The following VEZT variants were observed in gnomAD, a reference collection of about 807,000 sequenced individuals.
VEZT encodes vezatin.
Under a neutral mutation model 79.9 loss-of-function variants are expected in VEZT, and 39 were observed. That is an observed-to-expected ratio of 0.49 (90% CI 0.38 to 0.64). The LOEUF is 0.64. Among genes scored for constraint, VEZT ranks in the 30% least tolerant of loss-of-function variants. The probability of loss-of-function intolerance (pLI) is 0.00; values close to 1 mark genes in which losing one functional copy is unlikely to be tolerated. For synonymous variants in VEZT, 325 were observed against 327.6 expected, an observed-to-expected ratio of 0.99 and a Z score of 0.09; for missense variants, 837 against 893.1, an observed-to-expected ratio of 0.94 and a Z score of 0.80.
At chr12:95,286,665 A>G (rs1439580920) in intron 8 of VEZT, 3 of 397,354 alleles carry the variant, frequency 7.5e-6, no homozygotes, top group Non-Finnish European at 1.5e-5. Context: ...TCAGGTTCCA[A>G]AGTATTGTCA....
chr12:95,247,804 T>C (rs1182765237), intron 1 of VEZT, among the ~76,000 whole-genome samples: 1 of 152,188 alleles, frequency 6.6e-6, no homozygotes, highest in Admixed American at 6.5e-5. Flanking sequence ...AATGTAAGCA[T>C]AATGAATAGA....
At chr12:95,264,968 C>G (rs1214979722) in intron 4 of VEZT, among the ~76,000 whole-genome samples, 1 of 147,750 alleles carries the variant, frequency 6.8e-6, no homozygotes, top group African/African-American at 2.5e-5. Flanking sequence ...CTCAAGTGAT[C>G]CCTCCGCCTC....
intron 3 of VEZT, among the ~76,000 whole-genome samples, chr12:95,257,644 T>C (rs1448349449): frequency 6.6e-6 from 1 of 152,192 alleles, no homozygotes; most frequent in Non-Finnish European, 1.5e-5. Context: ...TTTGTTTTTT[T>C]CTACTCTCTG....
chr12:95,257,008 C>A, intron 2 of VEZT, 142 bp from the exon 3 acceptor site: 1 of 610,292 alleles, frequency 1.6e-6, no homozygotes, highest in Non-Finnish European at 2.7e-6. Flanking sequence ...CTGAGATGTA[C>A]TGACAAGGTA....
intron 1 of VEZT, among the ~76,000 whole-genome samples, chr12:95,225,365 T>C (rs2058268894): frequency 1.3e-5 from 2 of 152,032 alleles, no homozygotes; most frequent in African/African-American, 2.4e-5. Context: ...CCTTCCTGGC[T>C]AATGCTGTGA....
intron 6 of VEZT, among the ~76,000 whole-genome samples, chr12:95,271,945 T>G (rs1363517875): frequency 6.6e-6 from 1 of 152,102 alleles, no homozygotes; most frequent in Non-Finnish European, 1.5e-5. Context: ...TTTCAGAGGC[T>G]GGCTTGAGCC....
intron 4 of VEZT, 128 bp downstream of exon 4, chr12:95,263,209 C>G: frequency 1.1e-6 from 1 of 895,082 alleles, no homozygotes; most frequent in Non-Finnish European, 1.6e-6. Flanking sequence ...ATTAAAGTAA[C>G]AATATGGGGG....
intron 1 of VEZT, among the ~76,000 whole-genome samples, chr12:95,221,293 G>A (rs547088986): frequency 1.1e-4 from 17 of 152,336 alleles, no homozygotes; most frequent in African/African-American, 3.6e-4. Flanking sequence ...TGGACCAACC[G>A]TGGCTCACGC....
At position 95,242,600 on chromosome 12, in the gene VEZT, G is replaced by A. The variant is rs533019571; in HGVS notation, c.37-9340G>A. Among the ~76,000 whole-genome samples the A allele has an allele frequency of 1.6e-4, 25 of 152,172 alleles. No homozygotes were observed. The South Asian group carries it at 2.7e-3, about 16-fold the overall frequency. On this transcript the variant is annotated intron_variant, in intron 1 of 11. Coordinates refer to ENST00000436874, the MANE Select transcript of VEZT (RefSeq NM_017599.4). ...TAAAATCTAATAAAATGGGCCGGGC[G>A]TGGTGGCTCACGCCTGTAATCCCAG...
intron 1 of VEZT, among the ~76,000 whole-genome samples, chr12:95,237,467 G>A (rs1338949765): frequency 6.6e-6 from 1 of 152,078 alleles, no homozygotes; most frequent in Non-Finnish European, 1.5e-5. Flanking sequence ...GTGCATCTGG[G>A]TAGTATCAAG....
chr12:95,259,264 T>G (rs1050316109), intron 3 of VEZT, among the ~76,000 whole-genome samples: 11 of 152,158 alleles, frequency 7.2e-5, no homozygotes, highest in Admixed American at 3.3e-4. Flanking sequence ...TTCCCGAAAC[T>G]TCAGCCTATT....
Position 95,282,359 on chromosome 12 carries a change from G to A in VEZT, c.1043G>A (p.Arg348Gln), listed in dbSNP as rs763560318. 22 of 1,613,564 alleles carry A rather than the reference G, an allele frequency of 1.4e-5. No individual in the cohort carries two copies. Among genetic ancestry groups the A allele is most frequent in the Admixed American group, 3.3e-5 (2 of 59,996 alleles). Residue 348 changes from arginine (R) to glutamine (Q), a missense_variant, in exon 8 of 12, where the codon CGG becomes CAG. Coordinates refer to ENST00000436874, the MANE Select transcript of VEZT (RefSeq NM_017599.4). The stretch of plus-strand genomic sequence containing the variant: ...GCACAGAGTTCAGAGTTCTTCAGAC[G>A]GTTAGCCCTATTACTTTCTACAGCC... ...WVAQSSEFFR[R>Q]LALLLSTANS...
intron 8 of VEZT, 37 bp from the exon 9 acceptor site, chr12:95,287,627 T>C (rs1224420386): frequency 7.0e-7 from 1 of 1,434,172 alleles, no homozygotes; most frequent in Non-Finnish European, 9.3e-7. Flanking sequence ...TCATTTCATA[T>C]TATAGAAATC....
At chr12:95,241,546 AT>A (rs2061023091) in intron 1 of VEZT, among the ~76,000 whole-genome samples, 1 of 151,966 alleles carries the variant, frequency 6.6e-6, no homozygotes, top group African/African-American at 2.4e-5. Flanking sequence ...GCCTCAAGCA[AT>A]TCCTCCTGCC....
chr12:95,281,261 T>TA (rs1182488247), intron 7 of VEZT, among the ~76,000 whole-genome samples: 1 of 151,920 alleles, frequency 6.6e-6, no homozygotes, highest in Non-Finnish European at 1.5e-5. Context: ...GACTGCATTT[T>TA]AAAAAAAAGA....
chr12:95,282,748 A>C, intron 8 of VEZT, 104 bp downstream of exon 8: 1 of 926,412 alleles, frequency 1.1e-6, no homozygotes, highest in Non-Finnish European at 1.6e-6. Flanking sequence ...AAAGAAACAA[A>C]ACTGAGGCAT....
At chr12:95,236,659 C>T (rs1004873540) in intron 1 of VEZT, among the ~76,000 whole-genome samples, 1 of 151,878 alleles carries the variant, frequency 6.6e-6, no homozygotes, top group Admixed American at 6.6e-5. Context: ...CACCCTCCAC[C>T]TCCTGGGTTC....
At chr12:95,249,168 T>G (rs1218534572) in intron 1 of VEZT, among the ~76,000 whole-genome samples, 1 of 152,202 alleles carries the variant, frequency 6.6e-6, no homozygotes, top group Non-Finnish European at 1.5e-5. Flanking sequence ...TCTGAAATAT[T>G]TACGATCTGG....
intron 1 of VEZT, among the ~76,000 whole-genome samples, chr12:95,240,000 CAGAG>C (rs1224105304): frequency 4.4e-5 from 4 of 90,008 alleles, no homozygotes; most frequent in Admixed American, 1.3e-4. Context: ...AGAGAGGAGA[CAGAG>C]AGAGAAAGAG....
Sources: allele counts gnomAD v4.1 joint callset (sites outside exome capture counted in the v4.1 genomes callset), GRCh38; gene constraint gnomAD v4.1.1; transcripts MANE v1.5; gene names NCBI Gene and HGNC (gene_info 2026-07-23, HGNC 2026-07-21).